The following SEPTIN7 variants were observed in gnomAD, a reference collection of about 807,000 sequenced individuals.
The protein encoded by SEPTIN7 is septin-7.
In SEPTIN7, 10 loss-of-function variants were observed where a neutral mutation model predicts 63.3. The observed-to-expected ratio is 0.16, with a 90% CI of 0.10 to 0.27. The LOEUF is 0.27. SEPTIN7 is among the 10% of genes least tolerant of loss of function. SEPTIN7 has a pLI of 1.00. For missense variants in SEPTIN7, 310 were observed against 521.0 expected (o/e 0.59, Z 3.94); for synonymous variants, 131 against 165.3 (o/e 0.79, Z 1.59).
At chr7:35,873,862 G>T in intron 6 of SEPTIN7, 87 bp downstream of exon 6, 1 of 1,267,352 alleles carries the variant, frequency 7.9e-7, no homozygotes, top group Non-Finnish European at 1.1e-6. Context: ...CTTTAAGTTT[G>T]TGAAGTACAC....
At chr7:35,817,143 T>A (rs898592704) in intron 1 of SEPTIN7, among the ~76,000 whole-genome samples, 4 of 152,124 alleles carry the variant, frequency 2.6e-5, no homozygotes, top group African/African-American at 9.7e-5. Context: ...TCCAAGGTCA[T>A]GAAAATATAC....
At chr7:35,809,137 C>T (rs1429839809) in intron 1 of SEPTIN7, among the ~76,000 whole-genome samples, 5 of 152,134 alleles carry the variant, frequency 3.3e-5, no homozygotes, top group African/African-American at 1.2e-4. Flanking sequence ...AACAAATACA[C>T]GTTTTGTACT....
chr7:35,823,762 A>T (rs1359760924), intron 1 of SEPTIN7, among the ~76,000 whole-genome samples: 1 of 152,218 alleles, frequency 6.6e-6, no homozygotes, highest in African/African-American at 2.4e-5. Flanking sequence ...CAGGTGGACA[A>T]AATTGCTTGG....
chr7:35,838,243 TCCTTC>T (rs1784182716), intron 3 of SEPTIN7, among the ~76,000 whole-genome samples: 1 of 4,500 alleles, frequency 2.2e-4, no homozygotes, highest in Admixed American at 1.7e-3. Flanking sequence ...CAAACTTCCT[TCCTTC>T]CTTCCTTCCT....
chr7:35,810,584 A>C (rs1788636988), intron 1 of SEPTIN7, among the ~76,000 whole-genome samples: 1 of 152,034 alleles, frequency 6.6e-6, no homozygotes, highest in Non-Finnish European at 1.5e-5. Context: ...TGGCCTCCCA[A>C]AGTGCTGGGA....
chr7:35,801,609 C>T (rs1278001749), intron 1 of SEPTIN7, among the ~76,000 whole-genome samples: 2 of 152,142 alleles, frequency 1.3e-5, no homozygotes, highest in African/African-American at 2.4e-5. Context: ...TCTCTCCGTC[C>T]CTTCGCCTTT....
At chr7:35,876,565 C>A (rs147467088) in intron 6 of SEPTIN7, among the ~76,000 whole-genome samples, 1 of 152,182 alleles carries the variant, frequency 6.6e-6, no homozygotes, top group African/African-American at 2.4e-5. Context: ...AGGCCAGATG[C>A]AATGGCTTAC....
chr7:35,860,580 A>G (rs1211954556), intron 3 of SEPTIN7, among the ~76,000 whole-genome samples: 1 of 152,054 alleles, frequency 6.6e-6, no homozygotes, highest in Non-Finnish European at 1.5e-5. Flanking sequence ...GAATGTCTTT[A>G]TTTCTACCTT....
intron 1 of SEPTIN7, 145 bp downstream of exon 1, chr7:35,801,415 C>A: frequency 1.9e-6 from 2 of 1,030,888 alleles, no homozygotes; most frequent in South Asian, 1.9e-5. Context: ...CCACTGCGGG[C>A]CCGGGGCGCG....
chr7:35,893,974 G>C (rs1787805935), intron 11 of SEPTIN7, among the ~76,000 whole-genome samples: 1 of 152,136 alleles, frequency 6.6e-6, no homozygotes, highest in Non-Finnish European at 1.5e-5. Context: ...CTGTATGGAG[G>C]GTAATGGGTG....
Position 35,905,836 on chromosome 7 carries a change from G to T in SEPTIN7, c.*1543G>T, listed in dbSNP as rs542984513. 2 of 152,306 alleles carry T rather than the reference G, an allele frequency of 1.3e-5. No homozygotes were observed. The highest frequency in any genetic ancestry group is 2.9e-5 in the Non-Finnish European group (2 of 68,028). The allele number at this position is 152,306 out of a possible 1,614,324, so 9.4% of individuals were successfully genotyped here. ...ATTTTTTTTAACTGTAAAGAGGGTA[G>T]TGTCATTTCTTTTCTTAAGGTCAAG... is the stretch of plus-strand genomic sequence containing the variant. On this transcript the variant is annotated 3_prime_UTR_variant, in exon 14 of 14. Coordinates refer to ENST00000350320, the MANE Select transcript of SEPTIN7 (RefSeq NM_001788.6).
At chr7:35,835,360 G>C (rs1330709673) in intron 3 of SEPTIN7, among the ~76,000 whole-genome samples, 1 of 152,140 alleles carries the variant, frequency 6.6e-6, no homozygotes, top group Non-Finnish European at 1.5e-5. Flanking sequence ...TTATGTGCCA[G>C]GTAATGTTTT....
At chr7:35,912,708 T>A in the SEPTIN7 span, among the ~76,000 whole-genome samples, 1 of 152,220 alleles carries the variant, frequency 6.6e-6, no homozygotes. Context: ...ACACAGGTAC[T>A]AGCAATTGCA....
rs1186597445 is a variant in SEPTIN7 at position 35,801,192 on chromosome 7, C to T, written c.-18C>T. Reference sequence around the variant, plus strand: ...CGGGCTGCGCTCCGCTGGGGCTGGTCGCGGAGGGGGGGAGGGGATGTCGGT... The same window carrying T: ...CGGGCTGCGCTCCGCTGGGGCTGGTTGCGGAGGGGGGGAGGGGATGTCGGT... On this transcript the variant is annotated 5_prime_UTR_variant, in exon 1 of 14. Coordinates refer to ENST00000350320, the MANE Select transcript of SEPTIN7 (RefSeq NM_001788.6). The T allele has an allele frequency of 3.4e-6, 5 of 1,489,498 alleles. No homozygotes were observed. The South Asian group carries it at 3.8e-5, about 11-fold the overall frequency. The allele number at this position is 1,489,498 out of a possible 1,614,324, so 92.3% of individuals were successfully genotyped here.
At chr7:35,852,461 A>G (rs1562549692) in intron 3 of SEPTIN7, among the ~76,000 whole-genome samples, 2 of 152,196 alleles carry the variant, frequency 1.3e-5, no homozygotes, top group African/African-American at 4.8e-5. Flanking sequence ...TTAAGGAAAC[A>G]CAGAAAAATT....
chr7:35,897,937 T>C (rs1788050808), intron 11 of SEPTIN7, among the ~76,000 whole-genome samples: 2 of 152,142 alleles, frequency 1.3e-5, no homozygotes, highest in Non-Finnish European at 1.5e-5. Context: ...AGAACAAAAT[T>C]AAATTATTTT....
intron 1 of SEPTIN7, among the ~76,000 whole-genome samples, chr7:35,809,090 ATTAGT>A (rs1389944719): frequency 6.6e-6 from 1 of 152,238 alleles, no homozygotes; most frequent in Admixed American, 6.5e-5. Context: ...CTGTTAAGTC[ATTAGT>A]TTAGAACTTC....
At chr7:35,856,009 A>G (rs1696598693) in intron 3 of SEPTIN7, among the ~76,000 whole-genome samples, 2 of 152,296 alleles carry the variant, frequency 1.3e-5, no homozygotes, top group Admixed American at 6.5e-5. Context: ...TTCTTCTGTC[A>G]TATCAAACTT....
chr7:35,809,012 T>C (rs1426753604), intron 1 of SEPTIN7, among the ~76,000 whole-genome samples: 1 of 152,236 alleles, frequency 6.6e-6, no homozygotes, highest in Non-Finnish European at 1.5e-5. Context: ...GTATTGACAT[T>C]GTCATTATAT....
Sources: gnomAD v4.1 joint callset for allele counts (sites outside exome capture counted in the v4.1 genomes callset) on GRCh38, gnomAD v4.1.1 for gene constraint, MANE v1.5 for transcripts, NCBI Gene and HGNC (gene_info 2026-07-23, HGNC 2026-07-21) for gene names.